RBFOX1: variants seen among roughly 807,000 people sequenced by gnomAD.
The protein encoded by RBFOX1 is RNA binding protein fox-1 homolog 1.
RBFOX1 carries 8 observed loss-of-function variants against 57.7 expected under a neutral mutation model. That is an observed-to-expected ratio of 0.14 (90% CI 0.08 to 0.25). RBFOX1 has a LOEUF of 0.25. Among genes scored for constraint, RBFOX1 ranks in the 10% least tolerant of loss-of-function variants. The probability of loss-of-function intolerance (pLI) is 1.00; values close to 1 mark genes in which losing one functional copy is unlikely to be tolerated. For missense variants in RBFOX1, 611 were observed against 548.5 expected (o/e 1.11, Z -1.14); for synonymous variants, 326 against 222.4 (o/e 1.47, Z -4.15).
chr16:6,215,847 C>T (rs889595801), intron 1 of RBFOX1, among the ~76,000 whole-genome samples: 2 of 152,086 alleles, frequency 1.3e-5, no homozygotes, highest in Non-Finnish European at 2.9e-5. Context: ...GTGTTTATAA[C>T]CCAGTATGAA....
At chr16:7,709,281 C>G (rs986179560) in intron 15 of RBFOX1, 150 bp downstream of exon 15, 102 of 936,352 alleles carry the variant, frequency 1.1e-4, no homozygotes, top group Non-Finnish European at 1.5e-4. Flanking sequence ...CATTAATCCT[C>G]CCAGTAAACT....
chr16:7,709,278 C>T (rs1157570330), intron 15 of RBFOX1, 147 bp downstream of exon 15: 41 of 941,426 alleles, frequency 4.4e-5, no homozygotes, highest in Non-Finnish European at 9.4e-6. Context: ...CCACATTAAT[C>T]CTCCCAGTAA....
rs115978397 is a variant in RBFOX1 at position 7,111,906 on chromosome 16, T to C, written c.27+59808T>C. Reference sequence around the variant, plus strand: ...AAGCTGCTGACTGGCTGATTTAGCATGTTCTTCAAGTGGTCTCATTCACAA... The same window carrying C: ...AAGCTGCTGACTGGCTGATTTAGCACGTTCTTCAAGTGGTCTCATTCACAA... On this transcript the variant is annotated intron_variant, in intron 4 of 15. Coordinates refer to ENST00000550418, the MANE Select transcript of RBFOX1 (RefSeq NM_018723.4). Among the ~76,000 whole-genome samples, 513 of 152,328 alleles carry C rather than the reference T, an allele frequency of 3.4e-3. 3 individuals carry two copies. The highest frequency in any genetic ancestry group is 0.011 in the African/African-American group (478 of 41,576).
intron 10 of RBFOX1, among the ~76,000 whole-genome samples, chr16:7,608,403 C>T (rs942547492): frequency 8.5e-5 from 13 of 152,272 alleles, no homozygotes; most frequent in Middle Eastern, 3.4e-3. Context: ...TAACTGATTC[C>T]TGGATTTTAC....
At chr16:5,690,691 A>C (rs907370352) in intron 3 of RBFOX1, among the ~76,000 whole-genome samples, 1 of 152,134 alleles carries the variant, frequency 6.6e-6, no homozygotes, top group Non-Finnish European at 1.5e-5. Flanking sequence ...TAAATGAGTA[A>C]TTTTCAAATG....
intron 4 of RBFOX1, among the ~76,000 whole-genome samples, chr16:7,330,521 T>A: frequency 7.3e-6 from 1 of 137,426 alleles, no homozygotes; most frequent in South Asian, 2.3e-4. Context: ...TGTGTGTGTG[T>A]GTGTAGAGAG....
At position 7,125,480 on chromosome 16, in the gene RBFOX1, A is replaced by C. The variant is rs557602174; in HGVS notation, c.27+73382A>C. Reference sequence around the variant, plus strand: ...AAAAATTTCAAACCTGTCGGATGCTAAGCAGTTTTCTAGTTTGAAGTTTGT... The same window carrying C: ...AAAAATTTCAAACCTGTCGGATGCTCAGCAGTTTTCTAGTTTGAAGTTTGT... On this transcript the variant is annotated intron_variant, in intron 4 of 15. Transcript: ENST00000550418. 6.6e-5 allele frequency among the ~76,000 whole-genome samples: 10 copies of C among 152,286 alleles called. No homozygotes were observed. In the East Asian group the frequency reaches 1.7e-3, roughly 26 times the overall value.
Position 6,758,381 on chromosome 16 carries a change from A to G in RBFOX1, c.-16+103731A>G, listed in dbSNP as rs547090423. On this transcript the variant is annotated intron_variant, in intron 3 of 15. Transcript: ENST00000550418. Reference sequence around the variant, plus strand: ...GTAGCAGAATGCTATTATGTTCAAGAGATTAACCAGACCAAAGCTATTTGT... The same window carrying G: ...GTAGCAGAATGCTATTATGTTCAAGGGATTAACCAGACCAAAGCTATTTGT... Among the ~76,000 whole-genome samples the G allele has an allele frequency of 2.0e-5, 3 of 152,282 alleles. No homozygotes were observed. In the East Asian group the frequency reaches 5.8e-4, roughly 29 times the overall value.
At chr16:6,686,978 T>A (rs987121755) in intron 3 of RBFOX1, among the ~76,000 whole-genome samples, 1 of 152,246 alleles carries the variant, frequency 6.6e-6, no homozygotes, top group Admixed American at 6.5e-5. Context: ...ATACTCATTA[T>A]ATATAACAAA....
intron 4 of RBFOX1, among the ~76,000 whole-genome samples, chr16:7,115,933 G>C (rs1334849278): frequency 6.6e-6 from 1 of 152,176 alleles, no homozygotes. Flanking sequence ...GACACTTATT[G>C]GGGGCTTCAT....
At chr16:5,394,514 CT>C (rs1211768192) in intron 1 of RBFOX1, among the ~76,000 whole-genome samples, 1 of 151,688 alleles carries the variant, frequency 6.6e-6, no homozygotes, top group Non-Finnish European at 1.5e-5. Context: ...TTTTTTACCC[CT>C]TCTTCTCTTC....
chr16:6,726,123 C>A (rs2067112248), intron 3 of RBFOX1, among the ~76,000 whole-genome samples: 2 of 152,068 alleles, frequency 1.3e-5, no homozygotes, highest in Non-Finnish European at 2.9e-5. Context: ...TACACAGAGC[C>A]AGGAGGGGGC....
intron 3 of RBFOX1, among the ~76,000 whole-genome samples, chr16:6,785,885 G>A (rs1471553514): frequency 6.6e-6 from 1 of 152,118 alleles, no homozygotes; most frequent in Non-Finnish European, 1.5e-5. Context: ...TGCTCCTCAG[G>A]CTCCGCTTAG....
intron 2 of RBFOX1, among the ~76,000 whole-genome samples, chr16:6,387,676 T>C (rs1022331478): frequency 2.0e-5 from 3 of 152,192 alleles, no homozygotes; most frequent in African/African-American, 7.2e-5. Context: ...CTTTATGCAC[T>C]TGGGATTCTC....
intron 2 of RBFOX1, among the ~76,000 whole-genome samples, chr16:6,653,651 G>A (rs956346029): frequency 6.6e-6 from 1 of 151,602 alleles, no homozygotes; most frequent in African/African-American, 2.4e-5. Flanking sequence ...ATGGATGGAT[G>A]GATGAATGGG....
rs1044925682 is a variant in RBFOX1 at position 6,341,069 on chromosome 16, A to G, written c.-64+24012A>G. ...TGTGTAAGCTTTCCACTGATGCTGC[A>G]TCAAATGATCACAAATCATTGATTT... On this transcript the variant is annotated intron_variant, in intron 2 of 15. Transcript: ENST00000550418. Among the ~76,000 whole-genome samples, 25 of 152,194 alleles carry G rather than the reference A, an allele frequency of 1.6e-4. 1 individual carries two copies. The highest frequency in any genetic ancestry group is 5.8e-4 in the African/African-American group (24 of 41,448).
intron 1 of RBFOX1, among the ~76,000 whole-genome samples, chr16:5,365,584 G>A (rs550775493): frequency 1.2e-4 from 19 of 152,124 alleles, no homozygotes; most frequent in African/African-American, 4.6e-4. Context: ...CAGGAGAATC[G>A]CTTGTACCCT....
chr16:5,418,874 C>T (rs939576378), intron 1 of RBFOX1, among the ~76,000 whole-genome samples: 22 of 152,112 alleles, frequency 1.4e-4, no homozygotes, highest in African/African-American at 5.3e-4. Context: ...GAAGAGATAC[C>T]CAAACTGAGA....
At chr16:6,754,327 T>C (rs1428939349) in intron 3 of RBFOX1, among the ~76,000 whole-genome samples, 1 of 152,166 alleles carries the variant, frequency 6.6e-6, no homozygotes, top group African/African-American at 2.4e-5. Flanking sequence ...ATAAATGGTG[T>C]TGGATATAAT....
Sources: allele counts gnomAD v4.1 joint callset (sites outside exome capture counted in the v4.1 genomes callset), GRCh38; gene constraint gnomAD v4.1.1; transcripts MANE v1.5; gene names NCBI Gene and HGNC (gene_info 2026-07-23, HGNC 2026-07-21).